ZBTB7A: variants seen among roughly 807,000 people sequenced by gnomAD.
ZBTB7A encodes the protein zinc finger and BTB domain-containing protein 7A.
ZBTB7A carries 7 observed loss-of-function variants against 26.7 expected under a neutral mutation model. That is an observed-to-expected ratio of 0.26 (90% CI 0.15 to 0.49). The LOEUF (loss-of-function observed/expected upper bound fraction) is 0.49. ZBTB7A is among the 20% of genes least tolerant of loss of function. ZBTB7A has a pLI of 0.98. For synonymous variants in ZBTB7A, 452 were observed against 441.0 expected (o/e 1.02, Z -0.31); for missense variants, 617 against 919.5 (o/e 0.67, Z 4.25).
At position 4,054,162 on chromosome 19, in the gene ZBTB7A, G is replaced by A. The variant is rs199813924; in HGVS notation, c.1071C>T (p.Ser357=). 4 of 1,601,552 alleles carry A rather than the reference G, an allele frequency of 2.5e-6. No homozygotes were observed. Among genetic ancestry groups the A allele is most frequent in the East Asian group, 2.2e-5 (1 of 44,866 alleles). The stretch of plus-strand genomic sequence containing the variant: ...GGTAGACGTCGCCGTCGTGGGCGCC[G>A]CTGAAGTACTTCAGGTAGTAGTCCA... ...GVMDYYLKYF[S]GAHDGDVYPA... is the part of the protein sequence containing the mutation. Residue 357 remains serine, a synonymous_variant, in exon 2 of 3, where the codon AGC becomes AGT. Coordinates refer to ENST00000322357, the MANE Select transcript of ZBTB7A (RefSeq NM_015898.4).
In ZBTB7A at chr19:4,055,240, G is replaced by A. The variant is rs765070162; in HGVS notation, c.-8C>T. ...GTCCACGCCGCCGGCCATCTTCCGC[G>A]CCGAGACCTGCAGCAGTGGGGAAGG... On this transcript the variant is annotated 5_prime_UTR_variant, in exon 2 of 3. Coordinates refer to ENST00000322357, the MANE Select transcript of ZBTB7A (RefSeq NM_015898.4). 7.4e-6 allele frequency: 11 copies of A among 1,480,392 alleles called. No homozygotes were observed. Among genetic ancestry groups the A allele is most frequent in the Non-Finnish European group, 9.9e-6 (11 of 1,115,854 alleles). The allele number at this position is 1,480,392 out of a possible 1,614,324, so 91.7% of individuals were successfully genotyped here.
In ZBTB7A at chr19:4,047,659, T is replaced by A. The variant is rs1568229207; in HGVS notation, c.*93A>T. On this transcript the variant is annotated 3_prime_UTR_variant, in exon 3 of 3. Coordinates refer to ENST00000322357, the MANE Select transcript of ZBTB7A (RefSeq NM_015898.4). ...TAGATATCTGTATATAGATAGATTT[T>A]CTTTTTTTGTGTTTTTGGGGGGGTG... The A allele has an allele frequency of 7.2e-7, 1 of 1,398,434 alleles. No homozygotes were observed. The highest frequency in any genetic ancestry group is 1.5e-5 in the African/African-American group (1 of 66,906). The allele number at this position is 1,398,434 out of a possible 1,614,324, so 86.6% of individuals were successfully genotyped here.
chr19:4,056,216 G>T (rs1330835444), intron 1 of ZBTB7A, among the ~76,000 whole-genome samples: 1 of 151,496 alleles, frequency 6.6e-6, no homozygotes, highest in African/African-American at 2.4e-5. Context: ...CAGCTGTCCT[G>T]CCCCCAGCCT....
chr19:4,045,585 G>A lies in ZBTB7A; in HGVS notation c.*2167C>T, dbSNP rs1329632149. 3.1e-5 allele frequency: 8 copies of A among 257,764 alleles called. No individual in the cohort carries two copies. In the East Asian group the frequency reaches 5.9e-4, roughly 19 times the overall value. 16.0% of individuals were successfully genotyped at this position (257,764 alleles called of 1,614,324 possible). A position where few individuals can be genotyped will look rare whatever the true frequency, so the allele number is the denominator to read the frequency against. On this transcript the variant is annotated 3_prime_UTR_variant, in exon 3 of 3. Transcript: ENST00000322357. This position sits in a 1 kb window ranked among gnomAD's most constrained non-coding sequence, Gnocchi z 4.1. ...CTTTAACAATGAAAGAAAAAGAGAC[G>A]AGAAGATGTGTGTGTCACAGAGAAG...
At position 4,046,432 on chromosome 19, in the gene ZBTB7A, C is replaced by CTTTTTTTTTTTTTTTTT. The variant is rs10535792; in HGVS notation, c.*1303_*1319dup. On this transcript the variant is annotated 3_prime_UTR_variant, in exon 3 of 3. Transcript: ENST00000322357. Reference sequence around the variant, plus strand: ...TCTCTCTCGCTCTCTCTCTCGCTCGCTTTTTTTTTTTTTTTTTGTCTTTTC... The same window carrying CTTTTTTTTTTTTTTTTT: ...TCTCTCTCGCTCTCTCTCTCGCTCGCTTTTTTTTTTTTTTTTTTTTTTTTTTTTTTTTTTGTCTTTTC... The CTTTTTTTTTTTTTTTTT allele has an allele frequency of 8.5e-6, 1 of 118,110 alleles. No individual in the cohort carries two copies. The highest frequency in any genetic ancestry group is 1.7e-5 in the Non-Finnish European group (1 of 57,514). The allele number at this position is 118,110 out of a possible 1,614,324, so 7.3% of individuals were successfully genotyped here. A position where few individuals can be genotyped will look rare whatever the true frequency, so the allele number is the denominator to read the frequency against.
chr19:4,062,876 C>G (rs963541545), intron 1 of ZBTB7A: 1 of 152,114 alleles, frequency 6.6e-6, no homozygotes, highest in African/African-American at 2.4e-5. Flanking sequence ...AGCGAACCCT[C>G]GAGACAACAC....
Position 4,047,835 on chromosome 19 carries a change from C to T in ZBTB7A, c.1672G>A (p.Val558Ile). 6.2e-7 allele frequency: 1 copy of T among 1,606,448 alleles called. No homozygotes were observed. Among genetic ancestry groups the T allele is most frequent in the Non-Finnish European group, 8.5e-7 (1 of 1,177,106 alleles). ...TCACCTCCTCCACCGGCGCCCGCTACATTCAACCGGCCCAAGCCGTCGGGG... is the reference window on the plus strand; with the variant it reads ...TCACCTCCTCCACCGGCGCCCGCTATATTCAACCGGCCCAAGCCGTCGGGG... Reference protein sequence around the residue: ...ASPDGLGRLNVAGAGGGGDSG... With the variant: ...ASPDGLGRLNIAGAGGGGDSG... The change falls in exon 3 of 3, where the codon GTA becomes ATA. Residue 558 changes from valine (V) to isoleucine (I), a missense_variant. By Grantham distance (29) the Val-to-Ile change is conservative (BLOSUM62 3). Coordinates refer to ENST00000322357, the MANE Select transcript of ZBTB7A (RefSeq NM_015898.4).
At chr19:4,049,294 C>A (rs1405781265) in intron 2 of ZBTB7A, among the ~76,000 whole-genome samples, 2 of 145,824 alleles carry the variant, frequency 1.4e-5, no homozygotes, top group African/African-American at 5.2e-5. Flanking sequence ...GCCTCGGCCT[C>A]TCAAAGCTCT....
chr19:4,052,925 G>A lies in ZBTB7A; in HGVS notation c.1262+1046C>T, dbSNP rs1233270034. On this transcript the variant is annotated intron_variant, in intron 2 of 2. Coordinates refer to ENST00000322357, the MANE Select transcript of ZBTB7A (RefSeq NM_015898.4). This position sits in a 1 kb window ranked among gnomAD's most constrained non-coding sequence, Gnocchi z 4.9. ...CACAGCTGCTCCTCCCCTCCTTCAG[G>A]TTCCGGCAAGGCCTGTCCCCGGCGC... 6.6e-6 allele frequency among the ~76,000 whole-genome samples: 1 copy of A among 152,076 alleles called. No individual in the cohort carries two copies. The highest frequency in any genetic ancestry group is 2.4e-5 in the African/African-American group (1 of 41,398).
chr19:4,043,859 C>A lies in ZBTB7A; in HGVS notation c.*3893G>T, dbSNP rs1426177990. On this transcript the variant is annotated 3_prime_UTR_variant, in exon 3 of 3. Transcript: ENST00000322357. The stretch of plus-strand genomic sequence containing the variant: ...GCCACCCACCACCCCCCCCCCCCCA[C>A]CTCCAGGAAGGCTGCTTCAACTTAA... 4.9e-5 allele frequency among the ~76,000 whole-genome samples: 7 copies of A among 142,486 alleles called. 1 individual carries two copies. The highest frequency in any genetic ancestry group is 9.5e-5 in the Non-Finnish European group (6 of 63,402). The allele number at this position is 142,486 out of a possible 152,430, so 93.5% of individuals were successfully genotyped here. A position where few individuals can be genotyped will look rare whatever the true frequency, so the allele number is the denominator to read the frequency against.
chr19:4,053,602 T>A (rs1050250791), intron 2 of ZBTB7A, among the ~76,000 whole-genome samples: 1 of 149,396 alleles, frequency 6.7e-6, no homozygotes, highest in East Asian at 2.0e-4. Flanking sequence ...TGTGCGTGCA[T>A]GTGTATGTGA....
intron 1 of ZBTB7A, among the ~76,000 whole-genome samples, chr19:4,058,904 C>T (rs1004904757): frequency 6.6e-6 from 1 of 152,344 alleles, no homozygotes. Flanking sequence ...CCAGCCTCGG[C>T]CCAGGGCCCA....
intron 1 of ZBTB7A, among the ~76,000 whole-genome samples, chr19:4,058,186 C>A (rs532971115): frequency 1.2e-4 from 18 of 152,340 alleles, no homozygotes; most frequent in Admixed American, 1.1e-3. Flanking sequence ...TCAGCCCTGG[C>A]TGTGAGTAAC....
At chr19:4,053,324 G>A (rs1227447517) in intron 2 of ZBTB7A, among the ~76,000 whole-genome samples, 1 of 152,252 alleles carries the variant, frequency 6.6e-6, no homozygotes, top group Non-Finnish European at 1.5e-5. Context: ...GGTCAGGGAA[G>A]CGTTCGTTGG....
chr19:4,056,740 G>C (rs956902391), intron 1 of ZBTB7A, among the ~76,000 whole-genome samples: 1 of 152,148 alleles, frequency 6.6e-6, no homozygotes. Flanking sequence ...GATGGCACGT[G>C]CCTGTAATCC....
chr19:4,063,294 C>G (rs2040658479), intron 1 of ZBTB7A, among the ~76,000 whole-genome samples: 1 of 152,190 alleles, frequency 6.6e-6, no homozygotes. Flanking sequence ...CATCCAAGGT[C>G]GCAGAGCAAG....
intron 2 of ZBTB7A, among the ~76,000 whole-genome samples, chr19:4,049,148 A>ATG (rs141419678): frequency 0.088 from 3,612 of 41,258 alleles, 428 homozygotes; most frequent in Non-Finnish European, 0.1. Flanking sequence ...ATTAAACTAT[A>ATG]TGTGTGTGTG....
chr19:4,066,417 C>A (rs2040696562), intron 1 of ZBTB7A, among the ~76,000 whole-genome samples: 1 of 150,408 alleles, frequency 6.6e-6, no homozygotes, highest in Non-Finnish European at 1.5e-5. Flanking sequence ...AAAAGCCATG[C>A]ACCCGGGTTG....
Position 4,054,600 on chromosome 19 carries a change from CGCGGCCACGGCGGCCACAGCG to C in ZBTB7A, c.612_632del (p.Ala205_Ala211del), listed in dbSNP as rs776979462. The C allele has an allele frequency of 1.3e-6, 2 of 1,578,322 alleles. No homozygotes were observed. The highest frequency in any genetic ancestry group is 1.1e-5 in the South Asian group (1 of 87,846). ...AGAAGTCTAAGCCGTTGCAGTCGCC[CGCGGCCACGGCGGCCACAGCG>C]GCGGCCACGGCCTCCTTGGTGGCAT... On this transcript the variant is annotated inframe_deletion, in exon 2 of 3. Coordinates refer to ENST00000322357, the MANE Select transcript of ZBTB7A (RefSeq NM_015898.4).
Sources: allele counts gnomAD v4.1 joint callset (sites outside exome capture counted in the v4.1 genomes callset), GRCh38; gene constraint gnomAD v4.1.1; non-coding constraint Gnocchi (gnomAD v3.1); transcripts MANE v1.5; gene names NCBI Gene and HGNC (gene_info 2026-07-23, HGNC 2026-07-21).